Variants in SV2C observed in about 807,000 individuals in gnomAD.
The protein encoded by SV2C is synaptic vesicle glycoprotein 2C.
In SV2C, 49 loss-of-function variants were observed where a neutral mutation model predicts 79.7. That is an observed-to-expected ratio of 0.61 (90% CI 0.49 to 0.78). The LOEUF is 0.78. Ranked by LOEUF, SV2C falls within the 30% of genes least tolerant of loss-of-function variation. The pLI is 0.00. For synonymous variants in SV2C, 334 were observed against 333.2 expected (o/e 1.00, Z -0.03); for missense variants, 833 against 912.9 (o/e 0.91, Z 1.13).
chr5:75,854,154 T>A, the SV2C span, among the ~76,000 whole-genome samples: 565 of 152,310 alleles, frequency 3.7e-3, 7 homozygotes, highest in African/African-American at 0.013. Context: ...TCTGAGTTCT[T>A]TCATTCAGCA....
chr5:76,060,886 C>A, the SV2C span, among the ~76,000 whole-genome samples: 3 of 151,970 alleles, frequency 2.0e-5, no homozygotes, highest in African/African-American at 7.2e-5. Flanking sequence ...GTGTGCAACT[C>A]TTTCTTTCAC....
chr5:76,051,478 G>T, the SV2C span, among the ~76,000 whole-genome samples: 1 of 152,140 alleles, frequency 6.6e-6, no homozygotes, highest in Non-Finnish European at 1.5e-5. Flanking sequence ...ATATCCATCA[G>T]TGTTATGTAG....
chr5:76,063,313 C>T, the SV2C span, among the ~76,000 whole-genome samples: 15 of 152,168 alleles, frequency 9.9e-5, no homozygotes, highest in African/African-American at 3.1e-4. Flanking sequence ...ATTTTCCTTG[C>T]GGCAAATACG....
At chr5:76,089,273 G>T (rs1440722868) in intron 1 of SV2C, among the ~76,000 whole-genome samples, 1 of 152,154 alleles carries the variant, frequency 6.6e-6, no homozygotes, top group Non-Finnish European at 1.5e-5. Flanking sequence ...GTGAGAACAT[G>T]CAGTATTTGG....
At chr5:76,212,508 C>A (rs1050962391) in intron 4 of SV2C, among the ~76,000 whole-genome samples, 1 of 151,618 alleles carries the variant, frequency 6.6e-6, no homozygotes, top group Non-Finnish European at 1.5e-5. Context: ...GGCCTTCAGG[C>A]CAGCCTTGTT....
the SV2C span, among the ~76,000 whole-genome samples, chr5:75,998,230 T>C: frequency 6.6e-6 from 1 of 152,112 alleles, no homozygotes; most frequent in Non-Finnish European, 1.5e-5. Flanking sequence ...TTAGGAGATA[T>C]ACCTGATGTT....
the SV2C span, among the ~76,000 whole-genome samples, chr5:76,041,769 C>A: frequency 0.19 from 29,461 of 152,014 alleles, 3,186 homozygotes; most frequent in East Asian, 0.44. Context: ...CCCTCCTCAG[C>A]TCCATTGTGC....
intron 1 of SV2C, among the ~76,000 whole-genome samples, chr5:76,125,462 A>G (rs1237491584): frequency 6.6e-6 from 1 of 152,204 alleles, no homozygotes; most frequent in African/African-American, 2.4e-5. Flanking sequence ...CATAAAATGT[A>G]TAATGAGAAC....
At chr5:76,053,554 G>A in the SV2C span, among the ~76,000 whole-genome samples, 1 of 152,098 alleles carries the variant, frequency 6.6e-6, no homozygotes, top group Non-Finnish European at 1.5e-5. Flanking sequence ...TTTAGGAAAT[G>A]ATACTATGAT....
chr5:76,135,657 A>C (rs1749043759), intron 2 of SV2C, among the ~76,000 whole-genome samples: 1 of 152,226 alleles, frequency 6.6e-6, no homozygotes, highest in African/African-American at 2.4e-5. Flanking sequence ...TAAGTTTTTA[A>C]GACTTCTTAT....
At chr5:75,880,963 T>G in the SV2C span, among the ~76,000 whole-genome samples, 1 of 151,822 alleles carries the variant, frequency 6.6e-6, no homozygotes, top group African/African-American at 2.4e-5. Context: ...TCAGGAAGCT[T>G]AAATTCATGG....
intron 12 of SV2C, among the ~76,000 whole-genome samples, chr5:76,352,429 T>A (rs1749659593): frequency 6.6e-6 from 1 of 152,214 alleles, no homozygotes; most frequent in South Asian, 2.1e-4. Context: ...GAGAGCTCTG[T>A]CCTAATGAAT....
chr5:75,910,167 T>A, the SV2C span: 1 of 322,514 alleles, frequency 3.1e-6, no homozygotes, highest in South Asian at 2.7e-5. Context: ...CCAGGTGCAG[T>A]GGTTCAAGCC....
the SV2C span, among the ~76,000 whole-genome samples, chr5:75,992,851 A>T: frequency 2.0e-5 from 3 of 152,212 alleles, no homozygotes; most frequent in East Asian, 5.8e-4. Flanking sequence ...CTTTTGAGAG[A>T]TCTACAGGCA....
intron 4 of SV2C, among the ~76,000 whole-genome samples, chr5:76,214,633 C>T (rs1262296873): frequency 1.3e-5 from 2 of 152,154 alleles, no homozygotes; most frequent in African/African-American, 4.8e-5. Flanking sequence ...GACATTTTGA[C>T]AATATAATTC....
intron 4 of SV2C, among the ~76,000 whole-genome samples, chr5:76,276,834 G>T (rs549944523): frequency 1.3e-5 from 2 of 152,010 alleles, no homozygotes; most frequent in South Asian, 2.1e-4. Context: ...CTCCCAAAGG[G>T]TTGGGATTAC....
the SV2C span, among the ~76,000 whole-genome samples, chr5:75,863,646 G>T: frequency 1.3e-5 from 2 of 152,174 alleles, no homozygotes; most frequent in Non-Finnish European, 2.9e-5. Flanking sequence ...GTATGCAGTG[G>T]CTTGGCTTCA....
chr5:76,168,712 C>T (rs1421038329), intron 2 of SV2C, among the ~76,000 whole-genome samples: 1 of 152,178 alleles, frequency 6.6e-6, no homozygotes, highest in Non-Finnish European at 1.5e-5. Context: ...ACTGTGTTCT[C>T]ACAAGATTTT....
intron 12 of SV2C, 94 bp from the exon 13 acceptor site, chr5:76,325,270 G>C (rs1731290394): frequency 7.7e-7 from 1 of 1,298,210 alleles, no homozygotes; most frequent in Non-Finnish European, 1.1e-6. Flanking sequence ...CACAATCTGA[G>C]GGAAGATCAT....
Sources: allele counts gnomAD v4.1 joint callset (sites outside exome capture counted in the v4.1 genomes callset), GRCh38; gene constraint gnomAD v4.1.1; transcripts MANE v1.5; gene names NCBI Gene and HGNC (gene_info 2026-07-23, HGNC 2026-07-21).